KIAA1755: variants seen among roughly 807,000 people sequenced by gnomAD.
KIAA1755 encodes the protein uncharacterized protein KIAA1755.
Under a neutral mutation model 91.7 loss-of-function variants are expected in KIAA1755, and 68 were observed. The ratio of observed to expected loss-of-function variants is 0.74; its 90% CI spans 0.61 to 0.91. The LOEUF (loss-of-function observed/expected upper bound fraction) is 0.91. KIAA1755 is among the 40% of genes least tolerant of loss of function. The pLI is 0.00. For missense variants in KIAA1755, 1,535 were observed against 1,494.4 expected (o/e 1.03, Z -0.45); for synonymous variants, 610 against 604.6 (o/e 1.01, Z -0.13).
chr20:38,229,060 C>G (rs1285620680), intron 5 of KIAA1755, among the ~76,000 whole-genome samples: 2 of 152,312 alleles, frequency 1.3e-5, no homozygotes, highest in Middle Eastern at 3.4e-3. Flanking sequence ...GCCAGGGAAT[C>G]TGTGTGGTTC....
chr20:38,231,447 T>A lies in KIAA1755; in HGVS notation c.1748-122A>T. 3 of 1,132,618 alleles carry A rather than the reference T, an allele frequency of 2.6e-6. No individual in the cohort carries two copies. The South Asian group carries it at 5.1e-5, about 19-fold the overall frequency. The allele number at this position is 1,132,618 out of a possible 1,614,324, so 70.2% of individuals were successfully genotyped here. A position where few individuals can be genotyped will look rare whatever the true frequency, so the allele number is the denominator to read the frequency against. On this transcript the variant is annotated intron_variant, in intron 4 of 13. Transcript: ENST00000279024. The stretch of plus-strand genomic sequence containing the variant: ...TTTGCCTGGAACACCCTTTCTCTCC[T>A]TCTCCTTCTGTGAACTCTGACTTCT...
Position 38,228,959 on chromosome 20 carries a change from C to T in KIAA1755, c.1872-719G>A, listed in dbSNP as rs142367714. On this transcript the variant is annotated intron_variant, in intron 5 of 13. Coordinates refer to ENST00000279024, the MANE Select transcript of KIAA1755 (RefSeq NM_001029864.2). The stretch of plus-strand genomic sequence containing the variant: ...TATCTTAGGATTTTCCAAACTGGCA[C>T]AATTTTCAAGACTTGTTAAAATACA... Among the ~76,000 whole-genome samples the T allele has an allele frequency of 4.2e-3, 636 of 152,304 alleles. 6 individuals carry two copies. The highest frequency in any genetic ancestry group is 0.014 in the African/African-American group (599 of 41,558).
chr20:38,213,932 G>A (rs571379851), intron 13 of KIAA1755, among the ~76,000 whole-genome samples, 189 bp from the exon 14 acceptor site: 168 of 149,646 alleles, frequency 1.1e-3, no homozygotes, highest in Middle Eastern at 3.5e-3. Flanking sequence ...CAGCCCCCAA[G>A]CACCCTTAGA....
intron 12 of KIAA1755, chr20:38,217,711 G>A: frequency 1.7e-6 from 1 of 577,248 alleles, no homozygotes. Context: ...CCCTCGCCAT[G>A]GCAGTTCACT....
At chr20:38,259,751 A>G (rs1205427) in intron 1 of KIAA1755, among the ~76,000 whole-genome samples, 150,648 of 150,650 alleles carry the variant, frequency 1, 75,323 homozygotes, top group Middle Eastern at 1. Context: ...GAAATCCTCC[A>G]AAAACAGACT....
At chr20:38,243,220 C>T (rs769667011) in intron 2 of KIAA1755, among the ~76,000 whole-genome samples, 8 of 152,202 alleles carry the variant, frequency 5.3e-5, no homozygotes, top group Admixed American at 1.3e-4. Context: ...GAATTTCCTG[C>T]TAATTAAACA....
At position 38,213,174 on chromosome 20, in the gene KIAA1755, G is replaced by A; in HGVS notation, c.3471C>T (p.Thr1157=). Residue 1157 remains threonine, a synonymous_variant, in exon 14 of 14, where the codon ACC becomes ACT. Coordinates refer to ENST00000279024, the MANE Select transcript of KIAA1755 (RefSeq NM_001029864.2). Reference sequence around the variant, plus strand: ...GCCTGGGGGGCTGCTGCCGGAAGAAGGTGGTGGCAAGCAAATGCTCGCGGG... The same window carrying A: ...GCCTGGGGGGCTGCTGCCGGAAGAAAGTGGTGGCAAGCAAATGCTCGCGGG... ...DPAREHLLAT[T]FFRQQPPRQS... is the part of the protein sequence containing the mutation. 4 of 1,613,850 alleles carry A rather than the reference G, an allele frequency of 2.5e-6. No individual in the cohort carries two copies. The highest frequency in any genetic ancestry group is 3.4e-6 in the Non-Finnish European group (4 of 1,179,984).
chr20:38,252,139 T>G (rs1306260271), intron 1 of KIAA1755, among the ~76,000 whole-genome samples: 1 of 152,198 alleles, frequency 6.6e-6, no homozygotes, highest in Non-Finnish European at 1.5e-5. Flanking sequence ...CTGATTCCTA[T>G]CCTACCTCAC....
intron 10 of KIAA1755, 36 bp downstream of exon 10, chr20:38,222,413 G>A (rs1204131756): frequency 6.3e-7 from 1 of 1,598,910 alleles, no homozygotes; most frequent in African/African-American, 1.3e-5. Context: ...CCAGAAACAG[G>A]ATGGGGTGGA....
intron 2 of KIAA1755, among the ~76,000 whole-genome samples, chr20:38,244,925 A>G (rs1390968293): frequency 6.6e-6 from 1 of 151,990 alleles, no homozygotes; most frequent in African/African-American, 2.4e-5. Context: ...ACGGGGTTTC[A>G]CCATGTTGGC....
chr20:38,253,685 G>T (rs1366262430), intron 1 of KIAA1755, among the ~76,000 whole-genome samples: 1 of 152,150 alleles, frequency 6.6e-6, no homozygotes, highest in Non-Finnish European at 1.5e-5. Flanking sequence ...GCGGGGCAGG[G>T]GCCTCGTAAG....
chr20:38,218,444 G>A, intron 11 of KIAA1755, 78 bp from the exon 12 acceptor site: 1 of 1,574,614 alleles, frequency 6.4e-7, no homozygotes, highest in South Asian at 1.2e-5. Context: ...CTTCCTTGCA[G>A]GCTGAGGTCT....
Position 38,250,502 on chromosome 20 carries a change from G to GTGTC in KIAA1755, c.4-4377_4-4376insGACA, listed in dbSNP as rs1555830364. 3.5e-5 allele frequency among the ~76,000 whole-genome samples: 5 copies of GTGTC among 141,628 alleles called. No homozygotes were observed. The East Asian group carries it at 6.2e-4, about 18-fold the overall frequency. 92.9% of individuals were successfully genotyped at this position (141,628 alleles called of 152,430 possible). On this transcript the variant is annotated intron_variant, in intron 1 of 13. Coordinates refer to ENST00000279024, the MANE Select transcript of KIAA1755 (RefSeq NM_001029864.2). ...TTATTATTATGGTGTGTGTGTGTGT[G>GTGTC]TGTGTGTGTCTGTGTGTGTGTGTGT...
chr20:38,217,756 G>T, intron 12 of KIAA1755: 1 of 537,770 alleles, frequency 1.9e-6, no homozygotes, highest in Non-Finnish European at 3.3e-6. Context: ...TGTTCCTTCT[G>T]GAAAACTTCT....
chr20:38,240,506 A>G, intron 3 of KIAA1755, 76 bp downstream of exon 3: 1 of 1,396,192 alleles, frequency 7.2e-7, no homozygotes, highest in Non-Finnish European at 9.4e-7. Flanking sequence ...TCTATCACTT[A>G]CAACCAAAAC....
intron 1 of KIAA1755, among the ~76,000 whole-genome samples, chr20:38,253,635 A>G (rs977622035): frequency 6.6e-6 from 1 of 152,232 alleles, no homozygotes; most frequent in Non-Finnish European, 1.5e-5. Flanking sequence ...CCAAGTGGAC[A>G]TTAAGTAAAG....
rs747285715 is a variant in KIAA1755, at chr20:38,213,180, G to A, written c.3465C>T (p.Ala1155=). ...GGGGCTGCTGCCGGAAGAAGGTGGT[G>A]GCAAGCAAATGCTCGCGGGCAGGGT... ...LPDPAREHLL[A]TTFFRQQPPR... is the part of the protein sequence containing the mutation. Residue 1155 remains alanine, a synonymous_variant, in exon 14 of 14, where the codon GCC becomes GCT. Transcript: ENST00000279024. The A allele has an allele frequency of 6.2e-7, 1 of 1,613,778 alleles. No homozygotes were observed. The highest frequency in any genetic ancestry group is 2.2e-5 in the East Asian group (1 of 44,888).
At chr20:38,258,196 C>T (rs897358287) in intron 1 of KIAA1755, among the ~76,000 whole-genome samples, 5 of 152,212 alleles carry the variant, frequency 3.3e-5, no homozygotes, top group Admixed American at 6.5e-5. Context: ...CCACTGCGCC[C>T]GGCTTAGTTA....
intron 6 of KIAA1755, 31 bp downstream of exon 6, chr20:38,228,116 A>G: frequency 6.5e-7 from 1 of 1,542,476 alleles, no homozygotes; most frequent in Non-Finnish European, 8.8e-7. Flanking sequence ...CCCAGGACTT[A>G]CTAGGCTAAG....
Sources: allele counts gnomAD v4.1 joint callset (sites outside exome capture counted in the v4.1 genomes callset), GRCh38; gene constraint gnomAD v4.1.1; transcripts MANE v1.5; gene names NCBI Gene and HGNC (gene_info 2026-07-23, HGNC 2026-07-21).